GSE1: variants seen among roughly 807,000 people sequenced by gnomAD.
The protein encoded by GSE1 is Gse1 coiled-coil protein.
Under a neutral mutation model 112.6 loss-of-function variants are expected in GSE1, and 32 were observed. That is an observed-to-expected ratio of 0.28 (90% confidence interval 0.21 to 0.38). The LOEUF (loss-of-function observed/expected upper bound fraction) is 0.38. GSE1 is among the 10% of genes least tolerant of loss of function. The pLI, the probability that GSE1 is intolerant of heterozygous loss-of-function variation, is 1.00. For synonymous variants in GSE1, 1,115 were observed against 735.6 expected (o/e 1.52, Z -8.35); for missense variants, 2,348 against 1,699.2 (o/e 1.38, Z -6.71).
intron 2 of GSE1, among the ~76,000 whole-genome samples, chr16:85,645,468 G>A (rs2050776474): frequency 6.6e-6 from 1 of 152,184 alleles, no homozygotes; most frequent in African/African-American, 2.4e-5. Flanking sequence ...ATACCGTTCT[G>A]CAGGAAGCAA....
intron 1 of GSE1, among the ~76,000 whole-genome samples, chr16:85,266,134 C>G (rs1908218640): frequency 6.6e-6 from 1 of 152,090 alleles, no homozygotes; most frequent in Non-Finnish European, 1.5e-5. Context: ...TGGGGGAGCG[C>G]CCCACCCCAC....
chr16:85,647,982 C>A (rs1345477615), intron 2 of GSE1, among the ~76,000 whole-genome samples: 1 of 151,894 alleles, frequency 6.6e-6, no homozygotes, highest in Non-Finnish European at 1.5e-5. Context: ...TTTCCTGTGA[C>A]CCCCCAAGCA....
intron 1 of GSE1, among the ~76,000 whole-genome samples, chr16:85,279,490 C>G (rs2044790266): frequency 8.1e-6 from 1 of 123,506 alleles, no homozygotes; most frequent in African/African-American, 2.6e-5. Flanking sequence ...GCCTGTGTTC[C>G]CAGCCACTCA....
rs146468809 is a variant in GSE1 at position 85,468,927 on chromosome 16, A to G, written c.2464+111284A>G. Among the ~76,000 whole-genome samples, 93 of 152,328 alleles carry G rather than the reference A, an allele frequency of 6.1e-4. 2 individuals carry two copies. The East Asian group carries it at 0.013, about 21-fold the overall frequency. On this transcript the variant is annotated intron_variant, in intron 2 of 2. Transcript: ENST00000637419. The stretch of plus-strand genomic sequence containing the variant: ...AATAGTTTCTTTGCAGGTGTAATTA[A>G]TTAAGCCTCTTGAGCTAAAATCATC...
chr16:85,184,167 G>A lies in GSE1; in HGVS notation c.2283+12360G>A, dbSNP rs1228894837. Among the ~76,000 whole-genome samples, 5 of 152,298 alleles carry A rather than the reference G, an allele frequency of 3.3e-5. No homozygotes were observed. In the East Asian group the frequency reaches 7.7e-4, roughly 24 times the overall value. On this transcript the variant is annotated intron_variant, in intron 1 of 2. Transcript: ENST00000637419. ...AGAATTCTGCCTGGGGAGTTCTGGG[G>A]AACAGGAAGAGTCTTGGGAAGGGCT...
chr16:85,500,347 T>C (rs2051318637), intron 2 of GSE1, among the ~76,000 whole-genome samples: 1 of 152,186 alleles, frequency 6.6e-6, no homozygotes, highest in Non-Finnish European at 1.5e-5. Context: ...TTGTTTTCAA[T>C]AGGTTTCAAT....
chr16:85,257,802 G>A (rs1907242375), intron 1 of GSE1, among the ~76,000 whole-genome samples: 2 of 152,200 alleles, frequency 1.3e-5, no homozygotes, highest in Non-Finnish European at 2.9e-5. Flanking sequence ...GTGAGACCCT[G>A]TCTCAAAAAC....
At chr16:85,305,996 C>T (rs1019825703) in intron 1 of GSE1, among the ~76,000 whole-genome samples, 9 of 151,990 alleles carry the variant, frequency 5.9e-5, no homozygotes, top group Admixed American at 3.9e-4. Flanking sequence ...CAGGCTGAGG[C>T]GGGAGAATCA....
At chr16:85,469,776 C>CT (rs1432956905) in intron 2 of GSE1, among the ~76,000 whole-genome samples, 2 of 152,210 alleles carry the variant, frequency 1.3e-5, no homozygotes, top group Non-Finnish European at 2.9e-5. Flanking sequence ...ATTTTCCCGT[C>CT]TGAAATGCGC....
At chr16:85,525,922 C>G (rs1004674144) in intron 2 of GSE1, among the ~76,000 whole-genome samples, 1 of 152,196 alleles carries the variant, frequency 6.6e-6, no homozygotes, top group Non-Finnish European at 1.5e-5. Flanking sequence ...TCCAGCCTCC[C>G]ATCAGCCTTT....
chr16:85,572,312 C>T, intron 1 of GSE1, among the ~76,000 whole-genome samples: 1 of 142,390 alleles, frequency 7.0e-6, no homozygotes, highest in African/African-American at 2.8e-5. Context: ...CACCACATAC[C>T]ACACAACACA....
At chr16:85,507,240 G>C (rs771983992) in intron 2 of GSE1, among the ~76,000 whole-genome samples, 2 of 152,202 alleles carry the variant, frequency 1.3e-5, no homozygotes, top group Non-Finnish European at 2.9e-5. Context: ...TGTCTTCTCT[G>C]TCTGCTCATA....
chr16:85,325,835 C>T (rs756734706), intron 1 of GSE1, among the ~76,000 whole-genome samples: 16 of 151,702 alleles, frequency 1.1e-4, no homozygotes, highest in Non-Finnish European at 1.5e-4. Context: ...CAGCTCACTG[C>T]AACCTCCGCC....
At chr16:85,622,896 T>C (rs2048831090) in intron 1 of GSE1, among the ~76,000 whole-genome samples, 1 of 152,202 alleles carries the variant, frequency 6.6e-6, no homozygotes, top group African/African-American at 2.4e-5. Flanking sequence ...GCAGGGCTGT[T>C]AGTTGCTCAG....
rs764122259 is a variant in GSE1, at chr16:85,654,861, C to A, written c.667C>A (p.Arg223=). Residue 223 remains arginine, a synonymous_variant, in exon 5 of 16, where the codon CGG becomes AGG. Coordinates refer to ENST00000253458, the MANE Select transcript of GSE1 (RefSeq NM_014615.5). ...GACCGAGGACTACCTGAGAAGCTTC[C>A]GGCCCTACCACACCACCGACGACCT... The part of the protein sequence containing the change: ...TVTEDYLRSF[R]PYHTTDDLRM... The A allele has an allele frequency of 6.2e-7, 1 of 1,611,804 alleles. No homozygotes were observed. The highest frequency in any genetic ancestry group is 1.1e-5 in the South Asian group (1 of 91,026).
At chr16:85,635,804 C>G (rs1332745932) in intron 2 of GSE1, among the ~76,000 whole-genome samples, 1 of 152,208 alleles carries the variant, frequency 6.6e-6, no homozygotes, top group African/African-American at 2.4e-5. Flanking sequence ...TGGGCTCCAC[C>G]CCTGGGTAAC....
At position 85,546,275 on chromosome 16, in the gene GSE1, G is replaced by A. The variant is rs147679099; in HGVS notation, c.2465-87639G>A. On this transcript the variant is annotated intron_variant, in intron 2 of 2. Transcript: ENST00000637419. ...AATTTTAGTATTTCTTAGTAGAGAT[G>A]GGGTTTCACCATGTTGGCCAGGCTG... is the stretch of plus-strand genomic sequence containing the variant. Among the ~76,000 whole-genome samples, 424 of 152,176 alleles carry A rather than the reference G, an allele frequency of 2.8e-3. 2 individuals are homozygous for A. The highest frequency in any genetic ancestry group is 9.7e-3 in the African/African-American group (404 of 41,510).
chr16:85,286,876 G>T (rs973693230), intron 1 of GSE1, among the ~76,000 whole-genome samples: 1 of 152,130 alleles, frequency 6.6e-6, no homozygotes, highest in Non-Finnish European at 1.5e-5. Context: ...TTTTTTCGTT[G>T]TCCCATAGTA....
At chr16:85,557,523 T>G (rs1395763456) in intron 1 of GSE1, among the ~76,000 whole-genome samples, 1 of 151,536 alleles carries the variant, frequency 6.6e-6, no homozygotes, top group Non-Finnish European at 1.5e-5. Flanking sequence ...TATTTCTGAA[T>G]TGTTTTGCTG....
Sources: allele counts gnomAD v4.1 joint callset (sites outside exome capture counted in the v4.1 genomes callset), GRCh38; gene constraint gnomAD v4.1.1; transcripts MANE v1.5; gene names NCBI Gene and HGNC (gene_info 2026-07-23, HGNC 2026-07-21).